The following TCF7L1 variants were observed in gnomAD, a reference collection of about 807,000 sequenced individuals.
The protein encoded by TCF7L1 is transcription factor 7-like 1.
A neutral mutation model predicts 63.7 loss-of-function variants in TCF7L1; 18 were observed. That is an observed-to-expected ratio of 0.28 (90% CI 0.20 to 0.42). The LOEUF (loss-of-function observed/expected upper bound fraction) is 0.42, where lower values mean the gene tolerates loss of function less well. Ranked by LOEUF, TCF7L1 falls within the 10% of genes least tolerant of loss-of-function variation. The pLI is 1.00. For synonymous variants in TCF7L1, 355 were observed against 340.9 expected (o/e 1.04, Z -0.46); for missense variants, 654 against 779.3 (o/e 0.84, Z 1.91).
At chr2:85,188,857 T>C (rs1162362812) in intron 3 of TCF7L1, among the ~76,000 whole-genome samples, 1 of 152,244 alleles carries the variant, frequency 6.6e-6, no homozygotes, top group Non-Finnish European at 1.5e-5. Flanking sequence ...TCTCCATGAA[T>C]TACTAACTCC....
At chr2:85,222,468 G>A (rs987262599) in intron 3 of TCF7L1, among the ~76,000 whole-genome samples, 4 of 151,562 alleles carry the variant, frequency 2.6e-5, no homozygotes, top group Admixed American at 6.6e-5. Context: ...AGGAGTTCAA[G>A]GCCAGCCTGG....
intron 3 of TCF7L1, among the ~76,000 whole-genome samples, chr2:85,214,357 A>C (rs979616936): frequency 3.3e-5 from 5 of 152,202 alleles, no homozygotes; most frequent in African/African-American, 1.2e-4. Context: ...GGGTCCTATG[A>C]GGAGGAGTTA....
chr2:85,302,270 T>C (rs1020866446), intron 4 of TCF7L1, among the ~76,000 whole-genome samples: 7 of 152,130 alleles, frequency 4.6e-5, no homozygotes, highest in African/African-American at 1.7e-4. Flanking sequence ...CCACACACAG[T>C]GCACGTGAGG....
At chr2:85,165,828 G>A (rs1678403940) in intron 3 of TCF7L1, among the ~76,000 whole-genome samples, 1 of 152,200 alleles carries the variant, frequency 6.6e-6, no homozygotes, top group Non-Finnish European at 1.5e-5. Context: ...CCCCAGTGGT[G>A]TCATCTTATG....
chr2:85,306,378 C>T lies in TCF7L1; in HGVS notation c.1149+13C>T. 2 of 1,613,684 alleles carry T rather than the reference C, an allele frequency of 1.2e-6. No homozygotes were observed. The highest frequency in any genetic ancestry group is 1.7e-6 in the Non-Finnish European group (2 of 1,179,590). Reference sequence around the variant, plus strand: ...CCTTGGAAGAAAGGTAAGACCTGCCCTCTCCCTCCAGGCCAGGGAGGCAGC... The same window carrying T: ...CCTTGGAAGAAAGGTAAGACCTGCCTTCTCCCTCCAGGCCAGGGAGGCAGC... On this transcript the variant is annotated intron_variant, in intron 9 of 11. Coordinates refer to ENST00000282111, the MANE Select transcript of TCF7L1 (RefSeq NM_031283.3). This position sits in a 1 kb window ranked among gnomAD's most constrained non-coding sequence, Gnocchi z 4.3.
At chr2:85,296,144 A>G (rs1466676778) in intron 4 of TCF7L1, among the ~76,000 whole-genome samples, 5 of 152,162 alleles carry the variant, frequency 3.3e-5, no homozygotes, top group Admixed American at 6.5e-5. Context: ...CCGTGTCCCA[A>G]TAATGTCCAT....
chr2:85,175,468 G>A (rs1053526529), intron 3 of TCF7L1, among the ~76,000 whole-genome samples: 5 of 152,344 alleles, frequency 3.3e-5, no homozygotes, highest in African/African-American at 1.2e-4. Context: ...AGCCACGGGG[G>A]CAAGTGCTTC....
Position 85,134,268 on chromosome 2 carries a change from C to G in TCF7L1, c.314-55C>G, listed in dbSNP as rs777975468. 13 of 1,511,504 alleles carry G rather than the reference C, an allele frequency of 8.6e-6. No homozygotes were observed. The highest frequency in any genetic ancestry group is 1.4e-5 in the African/African-American group (1 of 71,340). 93.6% of individuals were successfully genotyped at this position (1,511,504 alleles called of 1,614,324 possible). ...AGCTCCCGCCTCGAGCCCCCTGCCG[C>G]GGCGCTGTCAGTCCCGGGGGCCTGG... On this transcript the variant is annotated intron_variant, in intron 2 of 11. Coordinates refer to ENST00000282111, the MANE Select transcript of TCF7L1 (RefSeq NM_031283.3). This position sits in a 1 kb window ranked among gnomAD's most constrained non-coding sequence, Gnocchi z 5.0.
In TCF7L1 at chr2:85,309,759, C is replaced by G. The variant is rs1435004459; in HGVS notation, c.*297C>G. On this transcript the variant is annotated 3_prime_UTR_variant, in exon 12 of 12. Transcript: ENST00000282111. Reference sequence around the variant, plus strand: ...ATGGACCTGGGCAGAGGGCACTTCTCTCTCTTACCTCTCTTGCACTTTCTG... The same window carrying G: ...ATGGACCTGGGCAGAGGGCACTTCTGTCTCTTACCTCTCTTGCACTTTCTG... 5 of 326,898 alleles carry G rather than the reference C, an allele frequency of 1.5e-5. No individual in the cohort carries two copies. Among genetic ancestry groups the G allele is most frequent in the Non-Finnish European group, 2.8e-5 (5 of 179,974 alleles). 20.2% of individuals were successfully genotyped at this position (326,898 alleles called of 1,614,324 possible).
At chr2:85,251,399 A>G (rs1193679964) in intron 3 of TCF7L1, among the ~76,000 whole-genome samples, 1 of 152,212 alleles carries the variant, frequency 6.6e-6, no homozygotes, top group African/African-American at 2.4e-5. Context: ...CTTTGCCTTT[A>G]TTGTGTACAG....
At chr2:85,238,526 C>T (rs766354138) in intron 3 of TCF7L1, among the ~76,000 whole-genome samples, 3 of 152,152 alleles carry the variant, frequency 2.0e-5, no homozygotes, top group Non-Finnish European at 4.4e-5. Flanking sequence ...TTGATTCTTC[C>T]TTCAACGCTT....
At position 85,144,786 on chromosome 2, in the gene TCF7L1, A is replaced by C. The variant is rs372466039; in HGVS notation, c.441+10336A>C. Among the ~76,000 whole-genome samples the C allele has an allele frequency of 3.3e-5, 5 of 150,932 alleles. No homozygotes were observed. In the East Asian group the frequency reaches 9.7e-4, roughly 29 times the overall value. ...GTGTGTATGTATGTTTAAGATGGTT[A>C]GAAATCATGAAACTCCACCGGGCAC... On this transcript the variant is annotated intron_variant, in intron 3 of 11. Transcript: ENST00000282111.
chr2:85,253,322 G>A (rs1016735379), intron 3 of TCF7L1, among the ~76,000 whole-genome samples: 3 of 150,624 alleles, frequency 2.0e-5, no homozygotes, highest in Admixed American at 1.3e-4. Context: ...TTACCTAAAC[G>A]CAACTGCTGT....
intron 4 of TCF7L1, among the ~76,000 whole-genome samples, chr2:85,288,775 C>T (rs1367738292): frequency 3.3e-5 from 5 of 152,166 alleles, no homozygotes; most frequent in Admixed American, 1.3e-4. Context: ...TTGTAAGATC[C>T]GATCAGTGTA....
chr2:85,190,808 T>A (rs1679025229), intron 3 of TCF7L1, among the ~76,000 whole-genome samples: 1 of 152,190 alleles, frequency 6.6e-6, no homozygotes, highest in Non-Finnish European at 1.5e-5. Context: ...CACCCACGTA[T>A]GAGTGGTAAG....
intron 3 of TCF7L1, among the ~76,000 whole-genome samples, chr2:85,227,948 C>T (rs896091109): frequency 1.3e-5 from 2 of 149,608 alleles, no homozygotes; most frequent in South Asian, 4.3e-4. Context: ...ACTATGATCT[C>T]CCTACTGCAC....
chr2:85,170,027 C>T (rs923381324), intron 3 of TCF7L1, among the ~76,000 whole-genome samples: 1 of 152,204 alleles, frequency 6.6e-6, no homozygotes, highest in African/African-American at 2.4e-5. Flanking sequence ...CATAAACCTG[C>T]GTTCTGCAAA....
At chr2:85,213,797 T>C (rs1398368060) in intron 3 of TCF7L1, 1 of 152,246 alleles carries the variant, frequency 6.6e-6, no homozygotes, top group Non-Finnish European at 1.5e-5. Context: ...GAGTGTGTTT[T>C]CTCTTCTCAG....
intron 11 of TCF7L1, among the ~76,000 whole-genome samples, chr2:85,308,452 C>CCCCTCCCTCCCTCCTTTT (rs1682187034): frequency 1.2e-5 from 1 of 82,032 alleles, no homozygotes; most frequent in African/African-American, 6.2e-5. Context: ...TTTCTCTTTC[C>CCCCTCCCTCCCTCCTTTT]CTCCCTCTCT....
Sources: gnomAD v4.1 joint callset for allele counts (sites outside exome capture counted in the v4.1 genomes callset) on GRCh38, gnomAD v4.1.1 for gene constraint, Gnocchi (gnomAD v3.1) non-coding constraint, MANE v1.5 for transcripts, NCBI Gene and HGNC (gene_info 2026-07-23, HGNC 2026-07-21) for gene names.